KCNIP4: variants seen among roughly 807,000 people sequenced by gnomAD.
KCNIP4 encodes the protein potassium voltage-gated channel interacting protein 4.
A neutral mutation model predicts 34.0 loss-of-function variants in KCNIP4; 12 were observed. The observed-to-expected ratio is 0.35, with a 90% confidence interval of 0.23 to 0.57. The LOEUF (loss-of-function observed/expected upper bound fraction) is 0.57. Ranked by LOEUF, KCNIP4 falls within the 20% of genes least tolerant of loss-of-function variation. The pLI, the probability that KCNIP4 is intolerant of heterozygous loss-of-function variation, is 0.83. For synonymous variants in KCNIP4, 124 were observed against 102.2 expected, an observed-to-expected ratio of 1.21 and a Z score of -1.29; for missense variants, 238 against 311.7, an observed-to-expected ratio of 0.76 and a Z score of 1.78.
intron 1 of KCNIP4, among the ~76,000 whole-genome samples, chr4:21,618,031 A>C (rs1744721178): frequency 6.6e-6 from 1 of 152,232 alleles, no homozygotes; most frequent in Non-Finnish European, 1.5e-5. Flanking sequence ...GTCCAGAATT[A>C]TCTAAATTGT....
intron 1 of KCNIP4, chr4:21,846,960 G>A (rs576419209): frequency 1.3e-5 from 2 of 152,232 alleles, no homozygotes; most frequent in East Asian, 3.9e-4. Flanking sequence ...CCCACCTAAT[G>A]TATTCACAAC....
At chr4:21,122,747 C>A (rs1202243270) in intron 1 of KCNIP4, among the ~76,000 whole-genome samples, 1 of 152,112 alleles carries the variant, frequency 6.6e-6, no homozygotes, top group Non-Finnish European at 1.5e-5. Flanking sequence ...ATAGGGCATA[C>A]CCTCTAGTAC....
At chr4:21,789,040 T>G (rs1219466788) in intron 1 of KCNIP4, among the ~76,000 whole-genome samples, 1 of 129,212 alleles carries the variant, frequency 7.7e-6, no homozygotes, top group Non-Finnish European at 1.6e-5. Context: ...GCCACTGCAC[T>G]CCAGCCTGGG....
At chr4:21,930,576 G>A (rs1260570058) in intron 1 of KCNIP4, among the ~76,000 whole-genome samples, 4 of 152,072 alleles carry the variant, frequency 2.6e-5, no homozygotes, top group African/African-American at 9.7e-5. Flanking sequence ...CAGTATTCAA[G>A]CCACATGGAC....
At chr4:21,689,118 A>G (rs1241715215) in intron 1 of KCNIP4, among the ~76,000 whole-genome samples, 1 of 152,132 alleles carries the variant, frequency 6.6e-6, no homozygotes, top group Non-Finnish European at 1.5e-5. Context: ...CTCAGCTCTT[A>G]ACAAGCACTT....
chr4:21,657,611 A>G (rs1163596486), intron 1 of KCNIP4, among the ~76,000 whole-genome samples: 1 of 152,194 alleles, frequency 6.6e-6, no homozygotes, highest in African/African-American at 2.4e-5. Context: ...CTACTCCACA[A>G]TGTATCAAAG....
intron 1 of KCNIP4, among the ~76,000 whole-genome samples, chr4:20,960,276 G>A (rs1733722906): frequency 6.6e-6 from 1 of 152,118 alleles, no homozygotes; most frequent in South Asian, 2.1e-4. Flanking sequence ...TTGTAAGCAT[G>A]CTTATGCCCT....
chr4:21,027,874 T>A (rs1740687124), intron 1 of KCNIP4, among the ~76,000 whole-genome samples: 1 of 152,184 alleles, frequency 6.6e-6, no homozygotes, highest in South Asian at 2.1e-4. Context: ...CTAAATAATT[T>A]AACATGATGA....
chr4:21,087,146 A>ATATGTG (rs1553935810), intron 1 of KCNIP4, among the ~76,000 whole-genome samples: 2 of 110,934 alleles, frequency 1.8e-5, no homozygotes, highest in Non-Finnish European at 3.5e-5. Flanking sequence ...CTGCTGGGTA[A>ATATGTG]TGTGTGTGTG....
chr4:21,153,280 T>C (rs759445879), intron 1 of KCNIP4, among the ~76,000 whole-genome samples: 1 of 152,124 alleles, frequency 6.6e-6, no homozygotes, highest in Non-Finnish European at 1.5e-5. Context: ...AGTATTTATT[T>C]TCCTGAAACC....
At chr4:21,604,185 G>T (rs772823647) in intron 1 of KCNIP4, among the ~76,000 whole-genome samples, 3 of 152,084 alleles carry the variant, frequency 2.0e-5, no homozygotes, top group Non-Finnish European at 2.9e-5. Flanking sequence ...TAGTGCTAAT[G>T]AAATGGTAGT....
rs1477885514 is a variant in KCNIP4, at chr4:21,189,862, G to A, written c.62-307153C>T. Among the ~76,000 whole-genome samples, 5 of 152,272 alleles carry A rather than the reference G, an allele frequency of 3.3e-5. No individual in the cohort carries two copies. The East Asian group carries it at 7.7e-4, about 24-fold the overall frequency. ...TTTATTTCTAAAATTTGCATTTTAT[G>A]TTATGCCTTCAGCTTTTCTAATGAG... is the stretch of plus-strand genomic sequence containing the variant. On this transcript the variant is annotated intron_variant, in intron 1 of 8. Transcript: ENST00000382152.
At chr4:21,065,896 T>C (rs1477157945) in intron 1 of KCNIP4, among the ~76,000 whole-genome samples, 2 of 151,630 alleles carry the variant, frequency 1.3e-5, no homozygotes, top group Admixed American at 1.3e-4. Context: ...AGAAGAATAA[T>C]GATTTATTTT....
intron 1 of KCNIP4, among the ~76,000 whole-genome samples, chr4:21,049,341 T>C (rs1282435424): frequency 6.6e-6 from 1 of 152,118 alleles, no homozygotes; most frequent in Non-Finnish European, 1.5e-5. Flanking sequence ...CAGAATAATA[T>C]ATAACAATAA....
intron 1 of KCNIP4, among the ~76,000 whole-genome samples, chr4:21,191,728 A>G (rs1253471156): frequency 6.6e-6 from 1 of 152,190 alleles, no homozygotes; most frequent in African/African-American, 2.4e-5. Flanking sequence ...TATGAAACCA[A>G]TTTAAGAAAG....
intron 1 of KCNIP4, among the ~76,000 whole-genome samples, chr4:21,329,270 A>G (rs1578085307): frequency 6.6e-6 from 1 of 152,224 alleles, no homozygotes. Flanking sequence ...ACTGTTTTAT[A>G]TACTTCCAAG....
chr4:20,919,407 T>TAA (rs10653275), intron 1 of KCNIP4, among the ~76,000 whole-genome samples: 98,958 of 148,170 alleles, frequency 0.67, 32,962 homozygotes, highest in East Asian at 0.83. Context: ...TTTTCCACAT[T>TAA]AAAAAAAAAA....
chr4:21,892,567 A>AAC (rs1257599444), intron 1 of KCNIP4, among the ~76,000 whole-genome samples: 2 of 151,262 alleles, frequency 1.3e-5, no homozygotes, highest in African/African-American at 4.9e-5. Flanking sequence ...AAAAAAAAAA[A>AAC]ACTATTGATT....
chr4:21,877,774 C>T (rs957535285), intron 1 of KCNIP4, among the ~76,000 whole-genome samples: 1 of 152,180 alleles, frequency 6.6e-6, no homozygotes, highest in African/African-American at 2.4e-5. Flanking sequence ...TCTAGTCCTG[C>T]TTCTGTTTCT....
Sources: gnomAD v4.1 joint callset for allele counts (sites outside exome capture counted in the v4.1 genomes callset) on GRCh38, gnomAD v4.1.1 for gene constraint, MANE v1.5 for transcripts, NCBI Gene and HGNC (gene_info 2026-07-23, HGNC 2026-07-21) for gene names.